The following DNAH9 variants were observed in gnomAD, a reference collection of about 807,000 sequenced individuals.
DNAH9 encodes the protein dynein axonemal heavy chain 9, also known as DNAH9 variant protein.
A neutral mutation model predicts 471.6 loss-of-function variants in DNAH9; 345 were observed. That is an observed-to-expected ratio of 0.73 (90% CI 0.67 to 0.80). The LOEUF is 0.80. DNAH9 is among the 30% of genes least tolerant of loss of function. The probability of loss-of-function intolerance (pLI) is 0.00; values close to 1 mark genes in which losing one functional copy is unlikely to be tolerated. For synonymous variants in DNAH9, 2,093 were observed against 2,123.6 expected (o/e 0.99, Z 0.40); for missense variants, 5,407 against 5,609.2 (o/e 0.96, Z 1.15).
At chr17:11,844,950 C>G (rs1237750680) in intron 49 of DNAH9, among the ~76,000 whole-genome samples, 1 of 151,144 alleles carries the variant, frequency 6.6e-6, no homozygotes, top group Non-Finnish European at 1.5e-5. Context: ...TGAATGTCTT[C>G]TTTTGAGAAG....
At position 11,757,809 on chromosome 17, in the gene DNAH9, A is replaced by T. The variant is rs1048198759; in HGVS notation, c.6995+117A>T. 2.6e-6 allele frequency: 3 copies of T among 1,135,344 alleles called. No individual in the cohort carries two copies. In the South Asian group the frequency reaches 4.8e-5, roughly 18 times the overall value. 70.3% of individuals were successfully genotyped at this position (1,135,344 alleles called of 1,614,324 possible). On this transcript the variant is annotated intron_variant, in intron 35 of 68. Transcript: ENST00000262442. ...CCCAAAGTCAGATGTTCCCAGAGCGATCTCCTCCAGGCATGGCAGATGGCA... is the reference window on the plus strand; with the variant it reads ...CCCAAAGTCAGATGTTCCCAGAGCGTTCTCCTCCAGGCATGGCAGATGGCA...
chr17:11,800,575 G>A (rs970439186), intron 43 of DNAH9, among the ~76,000 whole-genome samples: 2 of 151,792 alleles, frequency 1.3e-5, no homozygotes, highest in East Asian at 1.9e-4. Flanking sequence ...CATCCAAAAC[G>A]TTGCCCATCT....
chr17:11,881,910 CAAAAAAAA>C (rs1202849951), intron 55 of DNAH9, among the ~76,000 whole-genome samples: 1 of 149,544 alleles, frequency 6.7e-6, no homozygotes, highest in Non-Finnish European at 1.5e-5. Flanking sequence ...GGTTCTGTCT[CAAAAAAAA>C]GAAAAAAAAA....
At chr17:11,611,489 T>C (rs2072635734) in intron 3 of DNAH9, among the ~76,000 whole-genome samples, 161 bp from the exon 4 acceptor site, 1 of 152,198 alleles carries the variant, frequency 6.6e-6, no homozygotes, top group Non-Finnish European at 1.5e-5. Context: ...TTGCCCTCAC[T>C]GGGCTGGGAA....
chr17:11,894,251 A>G, intron 58 of DNAH9, 123 bp from the exon 59 acceptor site: 2 of 1,360,276 alleles, frequency 1.5e-6, no homozygotes, highest in Non-Finnish European at 2.0e-6. Context: ...TCATTAAACA[A>G]CCAAAATTGA....
At chr17:11,711,548 T>C (rs1597518871) in intron 26 of DNAH9, among the ~76,000 whole-genome samples, 1 of 152,204 alleles carries the variant, frequency 6.6e-6, no homozygotes, top group South Asian at 2.1e-4. Context: ...AGATGTTTGC[T>C]TTATCCTGAG....
At chr17:11,714,881 A>G (rs1189393396) in intron 26 of DNAH9, among the ~76,000 whole-genome samples, 1 of 152,120 alleles carries the variant, frequency 6.6e-6, no homozygotes, top group East Asian at 1.9e-4. Flanking sequence ...AACCTGAATG[A>G]GCTTGGAAGT....
chr17:11,844,985 T>C (rs1971165271), intron 49 of DNAH9, among the ~76,000 whole-genome samples: 1 of 144,648 alleles, frequency 6.9e-6, no homozygotes. Flanking sequence ...CTTTGTCCAC[T>C]TTTTTTTTAC....
intron 14 of DNAH9, among the ~76,000 whole-genome samples, chr17:11,663,044 C>T (rs1407934909): frequency 2.0e-5 from 3 of 152,032 alleles, no homozygotes; most frequent in African/African-American, 4.8e-5. Flanking sequence ...CGTGAGCCAC[C>T]GCGCCCGGCC....
chr17:11,852,844 ATATATATATATAT>A (rs1971475886), intron 49 of DNAH9, among the ~76,000 whole-genome samples: 1 of 134,644 alleles, frequency 7.4e-6, no homozygotes, highest in East Asian at 2.1e-4. Context: ...ATATATATAT[ATATATATATATAT>A]ATATGAAAGT....
At chr17:11,618,977 C>T (rs141815664) in intron 5 of DNAH9, among the ~76,000 whole-genome samples, 9 of 152,118 alleles carry the variant, frequency 5.9e-5, no homozygotes, top group South Asian at 2.1e-4. Flanking sequence ...GTAAGAAAAC[C>T]GAAACCAAAA....
chr17:11,961,223 A>G (rs1166929289), intron 67 of DNAH9, among the ~76,000 whole-genome samples: 2 of 152,008 alleles, frequency 1.3e-5, no homozygotes, highest in African/African-American at 4.8e-5. Context: ...ACTGAGGCAG[A>G]AGAATCACTT....
At chr17:11,616,697 TTATAC>T (rs2150650547) in intron 4 of DNAH9, among the ~76,000 whole-genome samples, 1 of 152,302 alleles carries the variant, frequency 6.6e-6, no homozygotes, top group Admixed American at 6.5e-5. Context: ...TTTAAAAAAA[TTATAC>T]TTTAAGTTCT....
At chr17:11,824,466 C>T (rs1970419232) in intron 48 of DNAH9, among the ~76,000 whole-genome samples, 1 of 152,146 alleles carries the variant, frequency 6.6e-6, no homozygotes, top group South Asian at 2.1e-4. Flanking sequence ...TGATTTCACT[C>T]GTCAGATCTG....
chr17:11,762,757 C>CG lies in DNAH9; in HGVS notation c.6996-682dup, dbSNP rs1347733739. 7.0e-3 allele frequency among the ~76,000 whole-genome samples: 391 copies of CG among 56,004 alleles called. 3 individuals are homozygous for CG. The highest frequency in any genetic ancestry group is 0.014 in the Non-Finnish European group (306 of 21,790). 36.7% of individuals were successfully genotyped at this position (56,004 alleles called of 152,430 possible). On this transcript the variant is annotated intron_variant, in intron 35 of 68. Coordinates refer to ENST00000262442, the MANE Select transcript of DNAH9 (RefSeq NM_001372.4). ...TGCACCAAAATTGCCTCTTTAGGTG[C>CG]GTTTTTTTTTTTGTTTTTTTTTTTT...
chr17:11,823,933 A>AAAC (rs1477306798), intron 48 of DNAH9, among the ~76,000 whole-genome samples: 1 of 151,752 alleles, frequency 6.6e-6, no homozygotes, highest in African/African-American at 2.4e-5. Context: ...CCATCTCAAA[A>AAAC]AAAAAAAAAG....
At chr17:11,771,215 G>A (rs2150880652) in intron 38 of DNAH9, among the ~76,000 whole-genome samples, 1 of 152,214 alleles carries the variant, frequency 6.6e-6, no homozygotes, top group African/African-American at 2.4e-5. Flanking sequence ...TGCAACCTCT[G>A]CCTCCCGGGT....
intron 1 of DNAH9, among the ~76,000 whole-genome samples, chr17:11,606,443 C>CCT (rs2072505687): frequency 1.4e-5 from 1 of 69,124 alleles, no homozygotes; most frequent in African/African-American, 5.6e-5. Flanking sequence ...CTTTTCTTTT[C>CCT]TTTTCTTTTC....
rs1361651386 is a variant in DNAH9 at position 11,932,116 on chromosome 17, C to T, written c.12208C>T (p.Gln4070Ter). 1 of 1,614,108 alleles carries T rather than the reference C, an allele frequency of 6.2e-7. No homozygotes were observed. Among genetic ancestry groups the T allele is most frequent in the Admixed American group, 1.7e-5 (1 of 60,014 alleles). The change falls in exon 64 of 69, where the codon CAG (glutamine) becomes TAG (stop). Residue 4070 changes from glutamine to a stop codon, truncating the protein, a stop_gained. Transcript: ENST00000262442. LOFTEE classifies it high-confidence loss of function. This position sits in a 1 kb window ranked among gnomAD's most constrained non-coding sequence, Gnocchi z 4.3. ...VVAERRKFGP[Q>*]GWNRSYPFNT... Reference sequence around the variant, plus strand: ...GGCAGAAAGACGAAAATTTGGGCCCCAGGGATGGAATCGCTCATACCCCTT... The same window carrying T: ...GGCAGAAAGACGAAAATTTGGGCCCTAGGGATGGAATCGCTCATACCCCTT...
Sources: gnomAD v4.1 joint callset for allele counts (sites outside exome capture counted in the v4.1 genomes callset) on GRCh38, gnomAD v4.1.1 for gene constraint, Gnocchi (gnomAD v3.1) non-coding constraint, MANE v1.5 for transcripts, NCBI Gene and HGNC (gene_info 2026-07-23, HGNC 2026-07-21) for gene names.